The following SENP6 variants were observed in gnomAD, a reference collection of about 807,000 sequenced individuals.
The protein encoded by SENP6 is SUMO specific peptidase 6, also known as sentrin-specific protease 6.
In SENP6, 41 loss-of-function variants were observed where a neutral mutation model predicts 134.5. That is an observed-to-expected ratio of 0.30 (90% CI 0.24 to 0.40). The LOEUF (loss-of-function observed/expected upper bound fraction) is 0.40, where lower values mean the gene tolerates loss of function less well. Ranked by LOEUF, SENP6 falls within the 10% of genes least tolerant of loss-of-function variation. The pLI, the probability that SENP6 is intolerant of heterozygous loss-of-function variation, is 1.00. For missense variants in SENP6, 1,248 were observed against 1,312.5 expected, an observed-to-expected ratio of 0.95 and a Z score of 0.76; for synonymous variants, 395 against 429.8, an observed-to-expected ratio of 0.92 and a Z score of 1.00.
At chr6:75,659,129 G>C in intron 7 of SENP6, 133 bp from the exon 8 acceptor site, 3 of 662,120 alleles carry the variant, frequency 4.5e-6, no homozygotes, top group Non-Finnish European at 7.6e-6. Context: ...CTGCTGAGGA[G>C]TGAAAAATAA....
chr6:75,703,854 A>G (rs1398621181), intron 19 of SENP6, among the ~76,000 whole-genome samples: 1 of 152,158 alleles, frequency 6.6e-6, no homozygotes, highest in East Asian at 1.9e-4. Flanking sequence ...TGTCACCCCT[A>G]GGGTGCAATT....
chr6:75,621,556 G>C lies in SENP6; in HGVS notation c.77G>C (p.Arg26Thr), dbSNP rs746542977. Residue 26 changes from arginine (R) to threonine (T), a missense_variant, in exon 2 of 24, where the codon AGA becomes ACA. Physicochemically the swap from Arg to Thr is moderately conservative, Grantham distance 71 (BLOSUM62 -1). This residue lies in a region of SENP6 where 733 missense variants were observed against 725.4 expected (regional missense o/e 1.01). Transcript: ENST00000447266. ...LEALARSESK[R>T]DGGFKNNWSF... ...GCTTTGGCTAGATCAGAGTCTAAGAGAGATGGAGGTTTTAAAAATAATTGG... is the reference window on the plus strand; with the variant it reads ...GCTTTGGCTAGATCAGAGTCTAAGACAGATGGAGGTTTTAAAAATAATTGG... The C allele has an allele frequency of 1.7e-5, 27 of 1,611,020 alleles. 1 individual carries two copies. In the South Asian group the frequency reaches 2.4e-4, roughly 14 times the overall value.
chr6:75,625,278 A>AT (rs954581647), intron 3 of SENP6, among the ~76,000 whole-genome samples: 94 of 148,904 alleles, frequency 6.3e-4, no homozygotes, highest in African/African-American at 1.8e-3. Context: ...TGCCTGGCTA[A>AT]TTTTTTTTTT....
intron 1 of SENP6, among the ~76,000 whole-genome samples, chr6:75,614,963 T>C (rs1320689414): frequency 6.6e-6 from 1 of 152,084 alleles, no homozygotes; most frequent in Non-Finnish European, 1.5e-5. Flanking sequence ...TGATCTCGGC[T>C]CACTGCAATT....
chr6:75,610,609 A>G (rs937737144), intron 1 of SENP6, among the ~76,000 whole-genome samples: 1 of 152,176 alleles, frequency 6.6e-6, no homozygotes, highest in Non-Finnish European at 1.5e-5. Context: ...GGCAAAAATT[A>G]TTAACTATTA....
chr6:75,638,537 A>T lies in SENP6; in HGVS notation c.459-2147A>T, dbSNP rs530911650. Reference sequence around the variant, plus strand: ...TCAAGGATAAGAAAAATGAGCATTGATGTGTCTTTGTGTGTGTAGTGTGTG... The same window carrying T: ...TCAAGGATAAGAAAAATGAGCATTGTTGTGTCTTTGTGTGTGTAGTGTGTG... On this transcript the variant is annotated intron_variant, in intron 5 of 23. Transcript: ENST00000447266. Among the ~76,000 whole-genome samples, 411 of 125,128 alleles carry T rather than the reference A, an allele frequency of 3.3e-3. 2 individuals carry two copies. The highest frequency in any genetic ancestry group is 5.2e-3 in the Non-Finnish European group (315 of 60,574). The allele number at this position is 125,128 out of a possible 152,430, so 82.1% of individuals were successfully genotyped here.
intron 18 of SENP6, 47 bp downstream of exon 18, chr6:75,697,564 G>A: frequency 7.5e-7 from 1 of 1,327,936 alleles, no homozygotes; most frequent in Non-Finnish European, 1.1e-6. Context: ...TCATGTAAAT[G>A]ATGGCAATTT....
intron 1 of SENP6, among the ~76,000 whole-genome samples, chr6:75,616,122 A>G (rs2149824281): frequency 6.6e-6 from 1 of 152,254 alleles, no homozygotes; most frequent in South Asian, 2.1e-4. Flanking sequence ...AGTGGAGGAT[A>G]TGGAGAAAAC....
chr6:75,687,556 A>G (rs1773934512), intron 16 of SENP6, among the ~76,000 whole-genome samples: 1 of 152,074 alleles, frequency 6.6e-6, no homozygotes, highest in African/African-American at 2.4e-5. Context: ...TTGGTCTTTG[A>G]TGTTGGTGAC....
intron 1 of SENP6, 141 bp from the exon 2 acceptor site, chr6:75,621,391 C>G (rs1262804659): frequency 1.0e-5 from 6 of 571,888 alleles, no homozygotes; most frequent in Non-Finnish European, 1.6e-5. Context: ...TGGAGGAAAT[C>G]AAATGTTTAC....
chr6:75,711,379 A>G lies in SENP6; in HGVS notation c.2872A>G (p.Ile958Val). The G allele has an allele frequency of 5.0e-6, 8 of 1,613,436 alleles. No individual in the cohort carries two copies. The highest frequency in any genetic ancestry group is 6.8e-6 in the Non-Finnish European group (8 of 1,179,532). Reference protein sequence around the residue: ...FLADDNCSSEIGQWHLKPTIC... With the variant: ...FLADDNCSSEVGQWHLKPTIC... ...CGCTGATGACAACTGCAGTTCAGAA[A>G]TAGGACAGTGGCATTTAAAGCCTAC... Residue 958 changes from isoleucine to valine, a missense_variant, in exon 21 of 24, where the codon ATA (isoleucine) becomes GTA (valine). Ile to Val is a conservative substitution (Grantham distance 29). Coordinates refer to ENST00000447266, the MANE Select transcript of SENP6 (RefSeq NM_015571.4).
intron 21 of SENP6, among the ~76,000 whole-genome samples, 167 bp downstream of exon 21, chr6:75,711,583 A>AT (rs1775748249): frequency 6.6e-6 from 1 of 152,190 alleles, no homozygotes; most frequent in Non-Finnish European, 1.5e-5. Flanking sequence ...AATGGGAAGA[A>AT]TGGGTAATCA....
At chr6:75,666,301 A>G (rs1000669206) in intron 9 of SENP6, among the ~76,000 whole-genome samples, 1 of 148,330 alleles carries the variant, frequency 6.7e-6, no homozygotes, top group African/African-American at 2.5e-5. Context: ...GACTACATGG[A>G]GTTTCACACA....
chr6:75,640,781 T>G (rs191206742), intron 6 of SENP6, 77 bp downstream of exon 6: 5 of 893,256 alleles, frequency 5.6e-6, no homozygotes, highest in African/African-American at 1.7e-5. Flanking sequence ...TTGAAAAATA[T>G]TGGTTGAATT....
intron 13 of SENP6, 46 bp downstream of exon 13, chr6:75,676,100 A>C: frequency 7.6e-7 from 1 of 1,312,660 alleles, no homozygotes; most frequent in Non-Finnish European, 1.0e-6. Context: ...TAGATACTGT[A>C]TTTACAATAT....
At chr6:75,614,546 G>T (rs578196233) in intron 1 of SENP6, among the ~76,000 whole-genome samples, 2 of 152,138 alleles carry the variant, frequency 1.3e-5, no homozygotes, top group Admixed American at 6.5e-5. Flanking sequence ...GATTACAGGC[G>T]TGAGCCACTG....
Position 75,715,398 on chromosome 6 carries a change from G to A in SENP6, c.3143G>A (p.Ser1048Asn). 1 of 1,609,712 alleles carries A rather than the reference G, an allele frequency of 6.2e-7. No individual in the cohort carries two copies. The highest frequency in any genetic ancestry group is 2.2e-5 in the East Asian group (1 of 44,784). ...VESFFENPIL[S>N]FELPMNLANW... Reference sequence around the variant, plus strand: ...TTGTATTTTCAGAATCCAATTCTCAGTTTTGAACTACCTATGAATTTGGCA... The same window carrying A: ...TTGTATTTTCAGAATCCAATTCTCAATTTTGAACTACCTATGAATTTGGCA... Residue 1048 changes from serine to asparagine, a missense_variant, in exon 24 of 24, where the codon AGT (serine) becomes AAT (asparagine). Physicochemically the swap from Ser to Asn is conservative, Grantham distance 46 (BLOSUM62 1). Transcript: ENST00000447266.
chr6:75,711,220 G>C (rs545139946), intron 20 of SENP6, 108 bp from the exon 21 acceptor site: 2 of 689,706 alleles, frequency 2.9e-6, no homozygotes, highest in Non-Finnish European at 4.8e-6. Flanking sequence ...TAGAGAAAAA[G>C]TTTTGACAAT....
At position 75,644,813 on chromosome 6, in the gene SENP6, C is replaced by A. The variant is rs181976296; in HGVS notation, c.480-2918C>A. Among the ~76,000 whole-genome samples the A allele has an allele frequency of 2.0e-5, 3 of 152,210 alleles. No homozygotes were observed. The East Asian group carries it at 5.8e-4, about 29-fold the overall frequency. Reference sequence around the variant, plus strand: ...AAATTTCTAAGGCTAGAATTTAGTTCGTAATAGTGTACCAGTGTTGGTTTC... The same window carrying A: ...AAATTTCTAAGGCTAGAATTTAGTTAGTAATAGTGTACCAGTGTTGGTTTC... On this transcript the variant is annotated intron_variant, in intron 6 of 23. Coordinates refer to ENST00000447266, the MANE Select transcript of SENP6 (RefSeq NM_015571.4).
Sources: gnomAD v4.1 joint callset for allele counts (sites outside exome capture counted in the v4.1 genomes callset) on GRCh38, gnomAD v4.1.1 for gene constraint, gnomAD v4.1.1 regional missense constraint, MANE v1.5 for transcripts, NCBI Gene and HGNC (gene_info 2026-07-23, HGNC 2026-07-21) for gene names.